SHC3: variants seen among roughly 807,000 people sequenced by gnomAD.
The protein encoded by SHC3 is SHC adaptor protein 3, also known as SHC-transforming protein 3.
SHC3 carries 15 observed loss-of-function variants against 60.4 expected under a neutral mutation model. That is an observed-to-expected ratio of 0.25 (90% CI 0.17 to 0.38). SHC3 has a LOEUF of 0.38. Ranked by LOEUF, SHC3 falls within the 10% of genes least tolerant of loss-of-function variation. The pLI is 1.00. For synonymous variants in SHC3, 294 were observed against 325.9 expected (o/e 0.90, Z 1.05); for missense variants, 677 against 786.1 (o/e 0.86, Z 1.66).
intron 1 of SHC3, among the ~76,000 whole-genome samples, chr9:89,136,981 G>A (rs182356186): frequency 6.6e-6 from 1 of 152,220 alleles, no homozygotes; most frequent in Admixed American, 6.5e-5. Flanking sequence ...ATGGTAGAAG[G>A]GTACAGGGGA....
intron 2 of SHC3, among the ~76,000 whole-genome samples, chr9:89,089,551 C>T (rs961718726): frequency 8.5e-5 from 13 of 152,172 alleles, no homozygotes; most frequent in African/African-American, 3.1e-4. Context: ...TTATGCCCCC[C>T]GACACACTGA....
intron 1 of SHC3, among the ~76,000 whole-genome samples, chr9:89,146,321 C>G (rs1012401752): frequency 1.3e-5 from 2 of 151,864 alleles, no homozygotes; most frequent in Admixed American, 6.6e-5. Context: ...CGCGCCACTG[C>G]ACTCCAGCCT....
At chr9:89,040,177 TCAACACCAC>T (rs199603864) in intron 10 of SHC3, among the ~76,000 whole-genome samples, 7 of 139,624 alleles carry the variant, frequency 5.0e-5, no homozygotes, top group African/African-American at 7.9e-5. Context: ...ATCATCACTA[TCAACACCAC>T]CACCATCAGC....
At chr9:89,037,564 C>T (rs1824602862) in intron 11 of SHC3, 1 of 713,720 alleles carries the variant, frequency 1.4e-6, no homozygotes, top group African/African-American at 1.8e-5. Flanking sequence ...ATGGGGGTTT[C>T]ATTTACTGAT....
chr9:89,064,280 C>G (rs914968106), intron 6 of SHC3, among the ~76,000 whole-genome samples: 41 of 152,134 alleles, frequency 2.7e-4, no homozygotes, highest in African/African-American at 9.9e-4. Context: ...TGGTGGTGCC[C>G]TCAAGCACCA....
chr9:89,155,770 A>G (rs1339635718), intron 1 of SHC3, among the ~76,000 whole-genome samples: 1 of 152,074 alleles, frequency 6.6e-6, no homozygotes, highest in African/African-American at 2.4e-5. Flanking sequence ...CTGATTGTCA[A>G]CCCAGCTCTG....
chr9:89,040,010 C>G (rs796352916), intron 10 of SHC3, among the ~76,000 whole-genome samples: 2 of 149,982 alleles, frequency 1.3e-5, no homozygotes, highest in Admixed American at 1.3e-4. Flanking sequence ...ATTGCCACCA[C>G]CACCACCACC....
intron 11 of SHC3, among the ~76,000 whole-genome samples, chr9:89,027,200 G>A (rs1826325544): frequency 6.6e-6 from 1 of 152,198 alleles, no homozygotes; most frequent in African/African-American, 2.4e-5. Context: ...ACAGAAAAGA[G>A]AGGAAACTTC....
intron 6 of SHC3, among the ~76,000 whole-genome samples, chr9:89,058,850 GT>G (rs1825005227): frequency 2.2e-5 from 3 of 133,830 alleles, no homozygotes; most frequent in African/African-American, 2.9e-5. Context: ...GGATGGTGGT[GT>G]TAGGACGTGG....
intron 1 of SHC3, among the ~76,000 whole-genome samples, chr9:89,121,079 C>A (rs1826086197): frequency 6.6e-6 from 1 of 152,084 alleles, no homozygotes; most frequent in Admixed American, 6.6e-5. Context: ...ACAACAGTTA[C>A]CTGGGCATAA....
intron 8 of SHC3, 82 bp from the exon 9 acceptor site, chr9:89,045,915 C>T (rs569769245): frequency 2.0e-5 from 27 of 1,377,962 alleles, no homozygotes; most frequent in Non-Finnish European, 2.7e-5. Flanking sequence ...AGACAGTCGG[C>T]GAGTTGATCC....
At chr9:89,154,732 T>C (rs2118226222) in intron 1 of SHC3, among the ~76,000 whole-genome samples, 1 of 152,308 alleles carries the variant, frequency 6.6e-6, no homozygotes, top group South Asian at 2.1e-4. Context: ...GCGTGTGTCA[T>C]CAATCTTACG....
chr9:89,151,294 T>A (rs1369398690), intron 1 of SHC3, among the ~76,000 whole-genome samples: 1 of 152,124 alleles, frequency 6.6e-6, no homozygotes, highest in East Asian at 1.9e-4. Context: ...AATGTTAGTG[T>A]CCCCCCAAAA....
At chr9:89,106,079 G>A (rs941675707) in intron 2 of SHC3, among the ~76,000 whole-genome samples, 9 of 152,134 alleles carry the variant, frequency 5.9e-5, no homozygotes, top group African/African-American at 2.2e-4. Context: ...CTCGAAGCAG[G>A]GGTGTCATGC....
chr9:89,058,557 ATGGTGGAGGATGCTGGTGGAGGATG>A (rs1275799075), intron 6 of SHC3, among the ~76,000 whole-genome samples: 13 of 138,018 alleles, frequency 9.4e-5, no homozygotes, highest in Non-Finnish European at 1.4e-4. Context: ...GGAGGTGTAC[ATGGTGGAGGATGCTGGTGGAGGATG>A]TGGTGGAGGA....
At chr9:89,050,372 A>G (rs1232747870) in intron 7 of SHC3, among the ~76,000 whole-genome samples, 1 of 152,116 alleles carries the variant, frequency 6.6e-6, no homozygotes, top group Non-Finnish European at 1.5e-5. Context: ...TGCAACCGCC[A>G]CCTCCCGAGT....
At chr9:89,052,196 A>G (rs1194083562) in intron 6 of SHC3, 33 bp from the exon 7 acceptor site, 2 of 1,611,160 alleles carry the variant, frequency 1.2e-6, no homozygotes, top group Non-Finnish European at 1.7e-6. Flanking sequence ...CCTATTAGAG[A>G]CAGACACTGG....
chr9:89,177,910 C>A (rs1467700827), intron 1 of SHC3, 77 bp downstream of exon 1: 9 of 1,146,496 alleles, frequency 7.9e-6, no homozygotes, highest in Non-Finnish European at 7.5e-6. Context: ...GCACCCCGGG[C>A]TTCAGGGAAT....
In SHC3 at chr9:89,034,978, G is replaced by A. The variant is rs369152775; in HGVS notation, c.1656+3015C>T. Among the ~76,000 whole-genome samples, 38 of 152,272 alleles carry A rather than the reference G, an allele frequency of 2.5e-4. No homozygotes were observed. In the South Asian group the frequency reaches 7.9e-3, roughly 32 times the overall value. Reference sequence around the variant, plus strand: ...ATCGATTGTATTCCCATTATCTCAAGTAGCAGAACATGTTCCATATAAATG... The same window carrying A: ...ATCGATTGTATTCCCATTATCTCAAATAGCAGAACATGTTCCATATAAATG... On this transcript the variant is annotated intron_variant, in intron 11 of 11. Coordinates refer to ENST00000375835, the MANE Select transcript of SHC3 (RefSeq NM_016848.6).
Sources: allele counts gnomAD v4.1 joint callset (sites outside exome capture counted in the v4.1 genomes callset), GRCh38; gene constraint gnomAD v4.1.1; transcripts MANE v1.5; gene names NCBI Gene and HGNC (gene_info 2026-07-23, HGNC 2026-07-21).